Variants in PBX3 observed in about 807,000 individuals in gnomAD.
PBX3 encodes PBX homeobox 3.
A neutral mutation model predicts 48.5 loss-of-function variants in PBX3; 14 were observed. The ratio of observed to expected loss-of-function variants is 0.29; its 90% CI spans 0.19 to 0.45. The LOEUF (loss-of-function observed/expected upper bound fraction) is 0.45. Among genes scored for constraint, PBX3 ranks in the 20% least tolerant of loss-of-function variants. The pLI, the probability that PBX3 is intolerant of heterozygous loss-of-function variation, is 1.00. For synonymous variants in PBX3, 210 were observed against 200.3 expected, an observed-to-expected ratio of 1.05 and a Z score of -0.41; for missense variants, 386 against 546.7, an observed-to-expected ratio of 0.71 and a Z score of 2.93.
chr9:125,829,177 CAT>C (rs773658239), intron 2 of PBX3, among the ~76,000 whole-genome samples: 1 of 152,168 alleles, frequency 6.6e-6, no homozygotes, highest in Non-Finnish European at 1.5e-5. Flanking sequence ...ATTGTAATAA[CAT>C]ATTTTCACTT....
chr9:125,900,016 G>A (rs1448297582), intron 2 of PBX3, among the ~76,000 whole-genome samples: 1 of 151,614 alleles, frequency 6.6e-6, no homozygotes, highest in Non-Finnish European at 1.5e-5. Context: ...TTTGCTTAAT[G>A]TATTATTCAT....
intron 5 of PBX3, among the ~76,000 whole-genome samples, chr9:125,936,778 G>A (rs1234429833): frequency 3.3e-5 from 5 of 152,046 alleles, no homozygotes; most frequent in Admixed American, 2.0e-4. Flanking sequence ...TTCTTTTTAC[G>A]CAGTTAGAAA....
chr9:125,786,761 G>T (rs1837467606), intron 2 of PBX3, among the ~76,000 whole-genome samples: 1 of 149,850 alleles, frequency 6.7e-6, no homozygotes, highest in Admixed American at 6.6e-5. Flanking sequence ...GTTTCGCTCT[G>T]TCACCCAGAC....
At chr9:125,937,429 G>C (rs12683589) in intron 5 of PBX3, among the ~76,000 whole-genome samples, 3,076 of 150,114 alleles carry the variant, frequency 0.02, 179 homozygotes, top group East Asian at 0.17. Flanking sequence ...ATTATGTTTT[G>C]AATTTTTTTT....
chr9:125,894,813 A>G (rs1840731553), intron 2 of PBX3, among the ~76,000 whole-genome samples: 1 of 152,064 alleles, frequency 6.6e-6, no homozygotes, highest in Admixed American at 6.5e-5. Context: ...TGAGGAAAGG[A>G]TATGAGACAG....
At chr9:125,781,748 G>A (rs914219509) in intron 2 of PBX3, among the ~76,000 whole-genome samples, 3 of 150,714 alleles carry the variant, frequency 2.0e-5, no homozygotes, top group African/African-American at 7.3e-5. Flanking sequence ...TGGGCTTAAT[G>A]TTTTCTTCTT....
In PBX3 at chr9:125,803,219, T is replaced by G. The variant is rs150760449; in HGVS notation, c.274+54596T>G. On this transcript the variant is annotated intron_variant, in intron 2 of 8. Coordinates refer to ENST00000373489, the MANE Select transcript of PBX3 (RefSeq NM_006195.6). ...CCTCCCACCTCAGCTTCCTGAGTAG[T>G]TAGGATTATAGGCACGGGCCACCAT... is the stretch of plus-strand genomic sequence containing the variant. Among the ~76,000 whole-genome samples, 414 of 151,236 alleles carry G rather than the reference T, an allele frequency of 2.7e-3. 4 individuals carry two copies. The Middle Eastern group carries it at 0.031, about 11-fold the overall frequency.
chr9:125,758,865 C>T (rs1836589357), intron 2 of PBX3, among the ~76,000 whole-genome samples: 1 of 152,004 alleles, frequency 6.6e-6, no homozygotes, highest in Non-Finnish European at 1.5e-5. Flanking sequence ...GTAATATATA[C>T]TTATTGGGAA....
chr9:125,801,784 T>TACACATACAC (rs1554857065), intron 2 of PBX3, among the ~76,000 whole-genome samples: 2 of 74,250 alleles, frequency 2.7e-5, no homozygotes, highest in African/African-American at 1.1e-4. Flanking sequence ...TGAACATGTA[T>TACACATACAC]ACACATACAC....
At chr9:125,782,805 A>T (rs1160040947) in intron 2 of PBX3, among the ~76,000 whole-genome samples, 2 of 151,956 alleles carry the variant, frequency 1.3e-5, no homozygotes, top group Non-Finnish European at 2.9e-5. Context: ...TTCATTTTTG[A>T]CGGACAATTT....
At chr9:125,808,878 C>T (rs983818967) in intron 2 of PBX3, among the ~76,000 whole-genome samples, 1 of 152,132 alleles carries the variant, frequency 6.6e-6, no homozygotes, top group Admixed American at 6.5e-5. Flanking sequence ...TCTCAGCCAA[C>T]AGCACTGTAA....
chr9:125,818,220 A>C (rs529495617), intron 2 of PBX3, among the ~76,000 whole-genome samples: 7 of 151,884 alleles, frequency 4.6e-5, no homozygotes, highest in African/African-American at 9.7e-5. Context: ...AAAAAAAAAC[A>C]AAAACCAAAA....
At chr9:125,962,819 G>A (rs1228285531) in intron 7 of PBX3, among the ~76,000 whole-genome samples, 193 bp from the exon 8 acceptor site, 1 of 152,214 alleles carries the variant, frequency 6.6e-6, no homozygotes, top group Non-Finnish European at 1.5e-5. Flanking sequence ...TGGCTGGCAT[G>A]AAAAACAAAG....
At chr9:125,949,314 C>G in intron 5 of PBX3, 1 of 1,547,706 alleles carries the variant, frequency 6.5e-7, no homozygotes, top group Non-Finnish European at 8.7e-7. Context: ...CCTGGCATCT[C>G]AGGAATGTTC....
At chr9:125,827,177 A>C (rs1838831996) in intron 2 of PBX3, among the ~76,000 whole-genome samples, 1 of 152,200 alleles carries the variant, frequency 6.6e-6, no homozygotes, top group Non-Finnish European at 1.5e-5. Context: ...ATATCAATGA[A>C]TGTATTTGAA....
chr9:125,945,900 G>A (rs1010383166), intron 5 of PBX3, among the ~76,000 whole-genome samples: 1 of 152,150 alleles, frequency 6.6e-6, no homozygotes, highest in African/African-American at 2.4e-5. Flanking sequence ...AAGTTGCCCA[G>A]GGAACCTGCA....
chr9:125,907,250 G>A (rs566447949), intron 2 of PBX3, among the ~76,000 whole-genome samples: 4 of 152,008 alleles, frequency 2.6e-5, no homozygotes, highest in South Asian at 4.1e-4. Flanking sequence ...TCAACACAAC[G>A]TATGGTAAAT....
At chr9:125,833,595 T>C (rs1839032418) in intron 2 of PBX3, among the ~76,000 whole-genome samples, 1 of 152,254 alleles carries the variant, frequency 6.6e-6, no homozygotes, top group East Asian at 1.9e-4. Flanking sequence ...ACTTGAGGAT[T>C]AACCTAATGT....
At chr9:125,959,728 C>A (rs1196542069) in intron 5 of PBX3, among the ~76,000 whole-genome samples, 1 of 152,122 alleles carries the variant, frequency 6.6e-6, no homozygotes, top group East Asian at 1.9e-4. Flanking sequence ...AGCAATATGC[C>A]CCTTTGACAG....
Sources: gnomAD v4.1 joint callset for allele counts (sites outside exome capture counted in the v4.1 genomes callset) on GRCh38, gnomAD v4.1.1 for gene constraint, MANE v1.5 for transcripts, NCBI Gene and HGNC (gene_info 2026-07-23, HGNC 2026-07-21) for gene names.